The following ADGRB1 variants were observed in gnomAD, a reference collection of about 807,000 sequenced individuals.
ADGRB1 encodes adhesion G protein-coupled receptor B1, also known as brain-specific angiogenesis inhibitor 1.
A neutral mutation model predicts 175.7 loss-of-function variants in ADGRB1; 36 were observed. The observed-to-expected ratio is 0.20, with a 90% confidence interval of 0.16 to 0.27. The LOEUF (loss-of-function observed/expected upper bound fraction) is 0.27, where lower values mean the gene tolerates loss of function less well. Ranked by LOEUF, ADGRB1 falls within the 10% of genes least tolerant of loss-of-function variation. The pLI is 1.00. For synonymous variants in ADGRB1, 1,054 were observed against 979.4 expected (o/e 1.08, Z -1.42); for missense variants, 1,731 against 2,255.3 (o/e 0.77, Z 4.71).
In ADGRB1 at chr8:142,464,861, C is replaced by T. The variant is rs1033783705; in HGVS notation, c.663C>T (p.Gly221=). 5 of 1,520,128 alleles carry T rather than the reference C, an allele frequency of 3.3e-6. No homozygotes were observed. The highest frequency in any genetic ancestry group is 2.8e-5 in the African/African-American group (2 of 71,592). 94.2% of individuals were successfully genotyped at this position (1,520,128 alleles called of 1,614,324 possible). A position where few individuals can be genotyped will look rare whatever the true frequency, so the allele number is the denominator to read the frequency against. ...TPCACLGGEA[G]GPAAGPLAPR... ...GCGCCTGCCTGGGCGGCGAGGCGGGCGGCCCTGCCGCGGGACCCCTGGCCC... is the reference window on the plus strand; with the variant it reads ...GCGCCTGCCTGGGCGGCGAGGCGGGTGGCCCTGCCGCGGGACCCCTGGCCC... The change falls in exon 2 of 31, where the codon GGC becomes GGT. Residue 221 remains glycine, a synonymous_variant. Transcript: ENST00000517894.
At chr8:142,532,538 T>C (rs1039411660) in intron 24 of ADGRB1, among the ~76,000 whole-genome samples, 10 of 152,172 alleles carry the variant, frequency 6.6e-5, no homozygotes, top group African/African-American at 2.2e-4. Context: ...TCAGGAGGCA[T>C]GGGCGGAGCT....
intron 1 of ADGRB1, among the ~76,000 whole-genome samples, chr8:142,461,526 C>T (rs964034913): frequency 1.3e-5 from 2 of 152,282 alleles, no homozygotes; most frequent in Non-Finnish European, 1.5e-5. Context: ...GTGGGATGAC[C>T]GAGGCCCTAG....
rs926875899 is a variant in ADGRB1 at position 142,464,056 on chromosome 8, C to G, written c.-143C>G. 2 of 700,718 alleles carry G rather than the reference C, an allele frequency of 2.9e-6. No homozygotes were observed. The highest frequency in any genetic ancestry group is 7.6e-5 in the East Asian group (2 of 26,220). The allele number at this position is 700,718 out of a possible 1,614,324, so 43.4% of individuals were successfully genotyped here. A position where few individuals can be genotyped will look rare whatever the true frequency, so the allele number is the denominator to read the frequency against. ...TTGCTGCCCTCTCTGTCACCTGAAG[C>G]GGGGCCCTCTCCCATCCCACCCTTG... On this transcript the variant is annotated 5_prime_UTR_variant, in exon 2 of 31. Coordinates refer to ENST00000517894, the MANE Select transcript of ADGRB1 (RefSeq NM_001702.3).
chr8:142,501,176 G>T lies in ADGRB1; in HGVS notation c.2676-9756G>T, dbSNP rs79420906. ...GTGACGCTGGTGACCATGGGTGACC[G>T]GTGGTCATTGTGATGACTGTGAAGG... On this transcript the variant is annotated intron_variant, in intron 17 of 30. Coordinates refer to ENST00000517894, the MANE Select transcript of ADGRB1 (RefSeq NM_001702.3). Among the ~76,000 whole-genome samples, 3 of 152,330 alleles carry T rather than the reference G, an allele frequency of 2.0e-5. No individual in the cohort carries two copies. The East Asian group carries it at 5.8e-4, about 29-fold the overall frequency.
intron 17 of ADGRB1, among the ~76,000 whole-genome samples, chr8:142,509,836 T>C (rs1347882685): frequency 6.6e-6 from 1 of 152,158 alleles, no homozygotes; most frequent in Admixed American, 6.5e-5. Flanking sequence ...GGGCTCATCT[T>C]TTCAGGAGGC....
Position 142,477,497 on chromosome 8 carries a change from C to T in ADGRB1, c.1335C>T (p.Pro445=), listed in dbSNP as rs963289646. Residue 445 remains proline (P), a synonymous_variant, in exon 6 of 31, where the codon CCC becomes CCT. Coordinates refer to ENST00000517894, the MANE Select transcript of ADGRB1 (RefSeq NM_001702.3). ...TCRPPQFGGN[P]CEGPEKQTKF... ...GGCCCCCCCAGTTTGGGGGCAACCC[C>T]TGTGAGGGCCCTGAGAAGCAAACCA... is the stretch of plus-strand genomic sequence containing the variant. The T allele has an allele frequency of 1.9e-6, 3 of 1,613,254 alleles. No homozygotes were observed. Among genetic ancestry groups the T allele is most frequent in the Non-Finnish European group, 2.5e-6 (3 of 1,179,808 alleles).
chr8:142,465,962 G>A (rs1012091364), intron 2 of ADGRB1, among the ~76,000 whole-genome samples: 6 of 152,354 alleles, frequency 3.9e-5, no homozygotes, highest in South Asian at 4.1e-4. Context: ...CAGGAGCAGC[G>A]TCCTCGGGGT....
intron 4 of ADGRB1, 40 bp downstream of exon 4, chr8:142,476,735 G>T: frequency 6.7e-7 from 1 of 1,494,676 alleles, no homozygotes; most frequent in South Asian, 1.2e-5. Flanking sequence ...CTAGGGCTTT[G>T]GGAAAATACT....
At chr8:142,539,719 C>T (rs1442773365) in intron 27 of ADGRB1, 8 of 531,596 alleles carry the variant, frequency 1.5e-5, no homozygotes, top group Non-Finnish European at 2.4e-5. Flanking sequence ...CGTCCCCTGC[C>T]CACCTGACAT....
At position 142,477,293 on chromosome 8, in the gene ADGRB1, G is replaced by A. The variant is rs557639761; in HGVS notation, c.1222+15G>A. ...CGTGTGCCCAGGTGGGTGGGACCTT[G>A]GGCTGGGGCAGCGGACAGCCAGGGC... On this transcript the variant is annotated intron_variant, in intron 5 of 30. Coordinates refer to ENST00000517894, the MANE Select transcript of ADGRB1 (RefSeq NM_001702.3). 71 of 1,588,896 alleles carry A rather than the reference G, an allele frequency of 4.5e-5. No individual in the cohort carries two copies. In the East Asian group the frequency reaches 1.6e-3, roughly 35 times the overall value.
Position 142,484,705 on chromosome 8 carries a change from A to G in ADGRB1, c.2249A>G (p.Asp750Gly). 1.2e-6 allele frequency: 2 copies of G among 1,612,272 alleles called. No individual in the cohort carries two copies. The highest frequency in any genetic ancestry group is 1.3e-5 in the African/African-American group (1 of 74,994). Residue 750 changes from aspartate (D) to glycine (G), a missense_variant, in exon 13 of 31, where the codon GAC (aspartate) becomes GGC (glycine). Around this residue, in one of 8 missense-constraint regions of ADGRB1, gnomAD observed 388 missense variants for 630.9 expected, o/e 0.61. Transcript: ENST00000517894. Reference sequence around the variant, plus strand: ...TTCCGGCTGGTGGAGGACTTTGTGGACGTCATCGGCTTCCGCATGAAGGAC... The same window carrying G: ...TTCCGGCTGGTGGAGGACTTTGTGGGCGTCATCGGCTTCCGCATGAAGGAC... ...ELFRLVEDFV[D>G]VIGFRMKDLR...
chr8:142,527,785 C>T (rs1844301547), intron 24 of ADGRB1, among the ~76,000 whole-genome samples: 1 of 152,212 alleles, frequency 6.6e-6, no homozygotes, highest in Non-Finnish European at 1.5e-5. Flanking sequence ...GGGGCTCACC[C>T]AGGGTGGATG....
At chr8:142,541,041 C>T (rs537916743) in intron 27 of ADGRB1, among the ~76,000 whole-genome samples, 12 of 152,136 alleles carry the variant, frequency 7.9e-5, no homozygotes, top group African/African-American at 2.7e-4. Context: ...ACACAGGCAC[C>T]CAGGGCTGGC....
chr8:142,453,630 G>T (rs956970667), intron 1 of ADGRB1, among the ~76,000 whole-genome samples: 1 of 152,192 alleles, frequency 6.6e-6, no homozygotes, highest in African/African-American at 2.4e-5. Context: ...CACTAGACGC[G>T]TGGGTGCCCA....
At position 142,481,376 on chromosome 8, in the gene ADGRB1, C is replaced by T. The variant is rs201417407; in HGVS notation, c.1935+16C>T. 9.1e-4 allele frequency: 1,465 copies of T among 1,612,724 alleles called. 3 individuals carry two copies. Among genetic ancestry groups the T allele is most frequent in the Non-Finnish European group, 1.2e-3 (1,372 of 1,179,144 alleles). Reference sequence around the variant, plus strand: ...CCAGATGATGGTGAGGGCCAGTTCCCGGGGGTCTCCAACCCCTCCCCAATC... The same window carrying T: ...CCAGATGATGGTGAGGGCCAGTTCCTGGGGGTCTCCAACCCCTCCCCAATC... On this transcript the variant is annotated intron_variant, in intron 10 of 30. Coordinates refer to ENST00000517894, the MANE Select transcript of ADGRB1 (RefSeq NM_001702.3).
Position 142,464,187 on chromosome 8 carries a change from C to A in ADGRB1, c.-12C>A. The A allele has an allele frequency of 7.9e-7, 1 of 1,261,176 alleles. No homozygotes were observed. 78.1% of individuals were successfully genotyped at this position (1,261,176 alleles called of 1,614,324 possible). On this transcript the variant is annotated 5_prime_UTR_variant, in exon 2 of 31. Coordinates refer to ENST00000517894, the MANE Select transcript of ADGRB1 (RefSeq NM_001702.3). ...CCCAGCCCGCGGAACCCCGGCGGCCCCGCGAGCTAGGATGAGGGGCCAGGC... is the reference window on the plus strand; with the variant it reads ...CCCAGCCCGCGGAACCCCGGCGGCCACGCGAGCTAGGATGAGGGGCCAGGC...
chr8:142,479,774 G>C lies in ADGRB1; in HGVS notation c.1808G>C (p.Arg603Pro). The change falls in exon 9 of 31, where the codon CGG becomes CCG. Residue 603 changes from arginine (R) to proline (P), a missense_variant. Physicochemically the swap from Arg to Pro is moderately radical, Grantham distance 103. This residue lies in a region of ADGRB1 where 388 missense variants were observed against 630.9 expected (regional missense o/e 0.61). Coordinates refer to ENST00000517894, the MANE Select transcript of ADGRB1 (RefSeq NM_001702.3). Reference sequence around the variant, plus strand: ...CCAGCGGGAGAGGTGGCTGCTGTCCGGTGTCCCCGCAACGCCACAGGTGAG... The same window carrying C: ...CCAGCGGGAGAGGTGGCTGCTGTCCCGTGTCCCCGCAACGCCACAGGTGAG... ...ETPAGEVAAV[R>P]CPRNATGLIL... 1 of 1,612,858 alleles carries C rather than the reference G, an allele frequency of 6.2e-7. No homozygotes were observed. The highest frequency in any genetic ancestry group is 8.5e-7 in the Non-Finnish European group (1 of 1,179,452).
intron 1 of ADGRB1, among the ~76,000 whole-genome samples, chr8:142,460,693 C>A (rs1839926419): frequency 6.6e-6 from 1 of 152,170 alleles, no homozygotes; most frequent in Non-Finnish European, 1.5e-5. Flanking sequence ...GGCAGTTGCG[C>A]TGCCTGGCCC....
intron 11 of ADGRB1, 75 bp downstream of exon 11, chr8:142,481,786 G>A (rs1841351118): frequency 7.5e-7 from 1 of 1,332,158 alleles, no homozygotes; most frequent in East Asian, 2.5e-5. Context: ...CCTTAGAGAT[G>A]GATCCCCAAC....
Sources: allele counts gnomAD v4.1 joint callset (sites outside exome capture counted in the v4.1 genomes callset), GRCh38; gene constraint gnomAD v4.1.1; regional missense constraint gnomAD v4.1.1; transcripts MANE v1.5; gene names NCBI Gene and HGNC (gene_info 2026-07-23, HGNC 2026-07-21).